RAB12: variants seen among roughly 807,000 people sequenced by gnomAD.
The protein encoded by RAB12 is RAB12, member RAS oncogene family, also known as ras-related protein Rab-12.
RAB12 carries 11 observed loss-of-function variants against 28.4 expected under a neutral mutation model. The ratio of observed to expected loss-of-function variants is 0.39; its 90% CI spans 0.24 to 0.64. The LOEUF is 0.64. RAB12 is among the 30% of genes least tolerant of loss of function. The probability of loss-of-function intolerance (pLI) is 0.50; values close to 1 mark genes in which losing one functional copy is unlikely to be tolerated. For synonymous variants in RAB12, 138 were observed against 145.3 expected (o/e 0.95, Z 0.36); for missense variants, 276 against 351.1 (o/e 0.79, Z 1.71).
chr18:8,631,062 T>C (rs1466160088), intron 2 of RAB12, among the ~76,000 whole-genome samples: 2 of 152,226 alleles, frequency 1.3e-5, no homozygotes, highest in East Asian at 3.9e-4. Context: ...CTAAGTTTTA[T>C]ATTTTTAGTA....
chr18:8,622,808 G>A (rs554133324), intron 1 of RAB12, among the ~76,000 whole-genome samples: 8 of 152,148 alleles, frequency 5.3e-5, no homozygotes, highest in Non-Finnish European at 8.8e-5. Flanking sequence ...AGACGGCCAC[G>A]CCCAGGGCCC....
At chr18:8,637,828 T>C (rs2096019777) in intron 5 of RAB12, among the ~76,000 whole-genome samples, 1 of 152,196 alleles carries the variant, frequency 6.6e-6, no homozygotes, top group Non-Finnish European at 1.5e-5. Context: ...GAAAATGTTA[T>C]TAAGAAAATC....
Position 8,638,408 on chromosome 18 carries a change from C to T in RAB12, c.*146C>T, listed in dbSNP as rs2096020212. On this transcript the variant is annotated 3_prime_UTR_variant, in exon 6 of 6. Transcript: ENST00000649141. ...ACTAACTTGTAAATATGCATATATG[C>T]AATCCTGGGTAAGTTTTGGTTATAA... 6 of 610,002 alleles carry T rather than the reference C, an allele frequency of 9.8e-6. No individual in the cohort carries two copies. The highest frequency in any genetic ancestry group is 3.9e-5 in the South Asian group (2 of 50,884). The allele number at this position is 610,002 out of a possible 1,614,324, so 37.8% of individuals were successfully genotyped here.
At chr18:8,634,471 T>G (rs2096017807) in intron 3 of RAB12, among the ~76,000 whole-genome samples, 1 of 152,036 alleles carries the variant, frequency 6.6e-6, no homozygotes, top group African/African-American at 2.4e-5. Flanking sequence ...AGTGCAATCC[T>G]GTGGAAATTA....
At chr18:8,628,188 G>A (rs12455495) in intron 2 of RAB12, among the ~76,000 whole-genome samples, 18,269 of 152,222 alleles carry the variant, frequency 0.12, 1,310 homozygotes, top group Admixed American at 0.17. Flanking sequence ...TCATAGAAAG[G>A]TGAAAGCATG....
chr18:8,624,810 G>A (rs2096011784), intron 1 of RAB12, 128 bp from the exon 2 acceptor site: 1 of 648,530 alleles, frequency 1.5e-6, no homozygotes, highest in Non-Finnish European at 2.7e-6. Flanking sequence ...TTGGAATTAA[G>A]TGATGTCAGG....
chr18:8,610,028 G>A, intron 1 of RAB12, 75 bp downstream of exon 1: 2 of 1,168,930 alleles, frequency 1.7e-6, no homozygotes, highest in Non-Finnish European at 2.5e-6. Context: ...TGGGCTTCGA[G>A]TCTCATCGAG....
chr18:8,610,517 C>T (rs976086853), intron 1 of RAB12, among the ~76,000 whole-genome samples: 3 of 152,228 alleles, frequency 2.0e-5, no homozygotes, highest in Admixed American at 1.3e-4. Flanking sequence ...TGTATTTATC[C>T]ATGACCTCAA....
In RAB12 at chr18:8,639,147, CTTTT is replaced by C. The variant is rs71165796; in HGVS notation, c.*927_*930del. On this transcript the variant is annotated 3_prime_UTR_variant, in exon 6 of 6. Coordinates refer to ENST00000649141, the MANE Select transcript of RAB12 (RefSeq NM_001025300.3). ...ATTCTGATTAAGCCTAGACTGTGTT[CTTTT>C]TTTTTTTTTTTTTTTTTTTTTTTTT... 12 of 16,042 alleles carry C rather than the reference CTTTT, an allele frequency of 7.5e-4. No individual in the cohort carries two copies. The highest frequency in any genetic ancestry group is 1.1e-3 in the African/African-American group (5 of 4,664). The allele number at this position is 16,042 out of a possible 1,614,324, so 1.0% of individuals were successfully genotyped here.
Position 8,639,266 on chromosome 18 carries a change from G to T in RAB12, c.*1004G>T, listed in dbSNP as rs1282486521. On this transcript the variant is annotated 3_prime_UTR_variant, in exon 6 of 6. Coordinates refer to ENST00000649141, the MANE Select transcript of RAB12 (RefSeq NM_001025300.3). ...AACTGCACTGTTTTGTTTAGTCAAG[G>T]TAATTAAGTAATTATGTATTTGAAT... The T allele has an allele frequency of 6.9e-6, 1 of 144,156 alleles. No individual in the cohort carries two copies. The highest frequency in any genetic ancestry group is 7.2e-5 in the Admixed American group (1 of 13,978). 8.9% of individuals were successfully genotyped at this position (144,156 alleles called of 1,614,324 possible).
At chr18:8,633,510 T>A (rs1465178778) in intron 3 of RAB12, among the ~76,000 whole-genome samples, 183 bp downstream of exon 3, 2 of 152,176 alleles carry the variant, frequency 1.3e-5, no homozygotes, top group Non-Finnish European at 2.9e-5. Context: ...AAAGAAGAAT[T>A]AAATTTATCC....
chr18:8,618,716 G>A (rs1162110824), intron 1 of RAB12, among the ~76,000 whole-genome samples: 2 of 152,176 alleles, frequency 1.3e-5, no homozygotes, highest in Non-Finnish European at 2.9e-5. Context: ...GTTTCACCGT[G>A]TTAGCCAGAA....
At chr18:8,615,581 G>A (rs1281999850) in intron 1 of RAB12, among the ~76,000 whole-genome samples, 4 of 152,166 alleles carry the variant, frequency 2.6e-5, no homozygotes, top group Admixed American at 2.6e-4. Flanking sequence ...CCAAAATGAT[G>A]TAACATGATG....
In RAB12 at chr18:8,620,130, T is replaced by TTTCC. The variant is rs1555616189; in HGVS notation, c.515-4805_515-4804insCTTC. Reference sequence around the variant, plus strand: ...CTGGGTGACAAAGCCTTCTTTTTTTTTTCTTCTTCTTTTTTTTTTTTTTTT... The same window carrying TTTCC: ...CTGGGTGACAAAGCCTTCTTTTTTTTTTCCTTCTTCTTCTTTTTTTTTTTTTTTT... On this transcript the variant is annotated intron_variant, in intron 1 of 5. Coordinates refer to ENST00000649141, the MANE Select transcript of RAB12 (RefSeq NM_001025300.3). Among the ~76,000 whole-genome samples the TTTCC allele has an allele frequency of 1.6e-3, 196 of 119,972 alleles. 1 individual carries two copies. Among genetic ancestry groups the TTTCC allele is most frequent in the African/African-American group, 7.6e-3 (184 of 24,124 alleles). 78.7% of individuals were successfully genotyped at this position (119,972 alleles called of 152,430 possible). A position where few individuals can be genotyped will look rare whatever the true frequency, so the allele number is the denominator to read the frequency against.
intron 1 of RAB12, among the ~76,000 whole-genome samples, chr18:8,615,508 A>G (rs1276108996): frequency 2.0e-5 from 3 of 152,230 alleles, no homozygotes; most frequent in Non-Finnish European, 4.4e-5. Flanking sequence ...CAAAAGCCCA[A>G]GCTCTGCAGC....
At chr18:8,629,240 A>C (rs890894067) in intron 2 of RAB12, among the ~76,000 whole-genome samples, 1 of 152,186 alleles carries the variant, frequency 6.6e-6, no homozygotes, top group African/African-American at 2.4e-5. Flanking sequence ...TATACCCCTA[A>C]ATGCCTAGGA....
At chr18:8,627,903 A>AT (rs1367944651) in intron 2 of RAB12, among the ~76,000 whole-genome samples, 3 of 152,210 alleles carry the variant, frequency 2.0e-5, no homozygotes, top group African/African-American at 4.8e-5. Context: ...TTAGTAATTA[A>AT]ATAATTTAAG....
chr18:8,630,358 T>C (rs143154194), intron 2 of RAB12, among the ~76,000 whole-genome samples: 22 of 152,308 alleles, frequency 1.4e-4, no homozygotes, highest in Non-Finnish European at 2.8e-4. Flanking sequence ...AGAGTTATTA[T>C]CTATAGAAAG....
chr18:8,636,501 C>A, intron 5 of RAB12, 144 bp downstream of exon 5: 1 of 583,182 alleles, frequency 1.7e-6, no homozygotes, highest in African/African-American at 1.9e-5. Context: ...GTTGTTAACT[C>A]AGCCACAGGC....
Sources: allele counts gnomAD v4.1 joint callset (sites outside exome capture counted in the v4.1 genomes callset), GRCh38; gene constraint gnomAD v4.1.1; transcripts MANE v1.5; gene names NCBI Gene and HGNC (gene_info 2026-07-23, HGNC 2026-07-21).